The following COL24A1 variants were observed in gnomAD, a reference collection of about 807,000 sequenced individuals.
COL24A1 encodes the protein collagen alpha-1(XXIV) chain.
COL24A1 carries 224 observed loss-of-function variants against 253.9 expected under a neutral mutation model. The ratio of observed to expected loss-of-function variants is 0.88; its 90% confidence interval spans 0.79 to 0.99. The LOEUF is 0.99. COL24A1 is among the 50% of genes least tolerant of loss of function. The pLI, the probability that COL24A1 is intolerant of heterozygous loss-of-function variation, is 0.00. For missense variants in COL24A1, 2,131 were observed against 2,068.5 expected (o/e 1.03, Z -0.59); for synonymous variants, 685 against 673.7 (o/e 1.02, Z -0.26).
At chr1:85,910,862 G>C (rs193022886) in intron 25 of COL24A1, among the ~76,000 whole-genome samples, 4 of 151,918 alleles carry the variant, frequency 2.6e-5, no homozygotes, top group African/African-American at 9.6e-5. Context: ...GAAGAAATTA[G>C]GAAGGATGAG....
At chr1:85,943,037 A>G (rs1291172480) in intron 24 of COL24A1, among the ~76,000 whole-genome samples, 1 of 152,198 alleles carries the variant, frequency 6.6e-6, no homozygotes, top group Non-Finnish European at 1.5e-5. Context: ...TCTGCCCTCA[A>G]TGTTAGCAGG....
intron 24 of COL24A1, among the ~76,000 whole-genome samples, chr1:85,926,933 G>A (rs952211392): frequency 6.6e-6 from 1 of 152,166 alleles, no homozygotes; most frequent in Non-Finnish European, 1.5e-5. Flanking sequence ...ATGTGGGAAG[G>A]TTTAAGAAGG....
chr1:86,028,227 G>C (rs1476389944), intron 14 of COL24A1, among the ~76,000 whole-genome samples: 4 of 152,176 alleles, frequency 2.6e-5, no homozygotes, highest in Admixed American at 1.3e-4. Flanking sequence ...AACTTTGGGG[G>C]ACTGTCGGAA....
rs187981133 is a variant in COL24A1, at chr1:86,110,819, C to G, written c.1599+1748G>C. Among the ~76,000 whole-genome samples, 859 of 152,038 alleles carry G rather than the reference C, an allele frequency of 5.6e-3. 14 individuals carry two copies. The highest frequency in any genetic ancestry group is 0.02 in the African/African-American group (810 of 41,474). ...GACCTGCAGCCCACCATGCCCGACC[C>G]CCGCCCCCCACACCCCATGGGCTGC... On this transcript the variant is annotated intron_variant, in intron 5 of 59. Coordinates refer to ENST00000370571, the MANE Select transcript of COL24A1 (RefSeq NM_152890.7).
At chr1:86,048,340 C>T (rs758038639) in intron 11 of COL24A1, among the ~76,000 whole-genome samples, 15 of 152,032 alleles carry the variant, frequency 9.9e-5, no homozygotes, top group Non-Finnish European at 1.5e-4. Flanking sequence ...CTTTTTTGTA[C>T]TTAAACATTT....
intron 19 of COL24A1, among the ~76,000 whole-genome samples, chr1:85,998,233 C>A (rs1229090561): frequency 2.6e-5 from 4 of 152,174 alleles, no homozygotes; most frequent in African/African-American, 9.7e-5. Flanking sequence ...AATGCCCTTG[C>A]CCTCTGTTTC....
At chr1:85,838,537 A>G in intron 43 of COL24A1, 48 bp downstream of exon 43, 1 of 1,516,110 alleles carries the variant, frequency 6.6e-7, no homozygotes, top group South Asian at 1.1e-5. Context: ...ATAGAAACAC[A>G]GAGAACCCTA....
intron 53 of COL24A1, among the ~76,000 whole-genome samples, chr1:85,766,436 G>A (rs962202287): frequency 6.7e-6 from 1 of 149,760 alleles, no homozygotes; most frequent in Admixed American, 6.6e-5. Flanking sequence ...TGAATCTAGG[G>A]ACTCATTTTA....
At chr1:85,877,749 C>T (rs1681351419) in intron 32 of COL24A1, among the ~76,000 whole-genome samples, 4 of 152,178 alleles carry the variant, frequency 2.6e-5, no homozygotes, top group Admixed American at 2.6e-4. Flanking sequence ...CTTTAATGCA[C>T]TCATTCATTC....
At chr1:85,754,623 C>T (rs187531541) in intron 55 of COL24A1, among the ~76,000 whole-genome samples, 20 of 141,368 alleles carry the variant, frequency 1.4e-4, no homozygotes, top group Non-Finnish European at 2.6e-4. Context: ...AATAAAAGCA[C>T]ATAAATTATA....
chr1:85,861,412 T>C (rs1281583393), intron 37 of COL24A1, among the ~76,000 whole-genome samples: 1 of 152,180 alleles, frequency 6.6e-6, no homozygotes, highest in Admixed American at 6.5e-5. Context: ...GGGTTGATCT[T>C]TTACTTTCTT....
intron 59 of COL24A1, among the ~76,000 whole-genome samples, chr1:85,733,113 T>A (rs1223850042): frequency 6.6e-6 from 1 of 152,162 alleles, no homozygotes; most frequent in East Asian, 1.9e-4. Flanking sequence ...GATAATAAAA[T>A]ATATATACTT....
intron 14 of COL24A1, among the ~76,000 whole-genome samples, chr1:86,031,042 C>A (rs1698526241): frequency 6.6e-6 from 1 of 152,078 alleles, no homozygotes; most frequent in South Asian, 2.1e-4. Context: ...AGCCAAAATA[C>A]AGAATCAACT....
chr1:85,948,356 C>A (rs1363626008), intron 24 of COL24A1, among the ~76,000 whole-genome samples: 3 of 151,090 alleles, frequency 2.0e-5, no homozygotes, highest in African/African-American at 7.3e-5. Flanking sequence ...AACCCCGTCT[C>A]TACTAAAAAT....
At chr1:85,787,066 A>C (rs1042140730) in intron 47 of COL24A1, among the ~76,000 whole-genome samples, 1 of 152,346 alleles carries the variant, frequency 6.6e-6, no homozygotes, top group East Asian at 1.9e-4. Context: ...ACTTAAAGAC[A>C]TGGAAAAATT....
At chr1:86,043,639 T>C (rs1292546500) in intron 12 of COL24A1, among the ~76,000 whole-genome samples, 2 of 152,152 alleles carry the variant, frequency 1.3e-5, no homozygotes, top group East Asian at 1.9e-4. Flanking sequence ...GCGATTCTCC[T>C]GCCTCAGTCT....
chr1:86,010,581 C>T lies in COL24A1; in HGVS notation c.2310+6570G>A, dbSNP rs1049600504. On this transcript the variant is annotated intron_variant, in intron 19 of 59. Coordinates refer to ENST00000370571, the MANE Select transcript of COL24A1 (RefSeq NM_152890.7). ...AATATCTTCTTTCGACATAGCAATC[C>T]AATTCTAGCAATTCACCATGAAGAT... is the stretch of plus-strand genomic sequence containing the variant. Among the ~76,000 whole-genome samples the T allele has an allele frequency of 4.6e-5, 7 of 152,040 alleles. No homozygotes were observed. The East Asian group carries it at 1.4e-3, about 29-fold the overall frequency.
chr1:85,801,069 T>A (rs1156921601), intron 47 of COL24A1, among the ~76,000 whole-genome samples: 1 of 152,220 alleles, frequency 6.6e-6, no homozygotes, highest in Non-Finnish European at 1.5e-5. Context: ...GAGGTTCTCC[T>A]TTTTGAAATA....
chr1:85,885,397 A>ATTTTT (rs1177337391), intron 32 of COL24A1, among the ~76,000 whole-genome samples: 1 of 128,904 alleles, frequency 7.8e-6, no homozygotes, highest in African/African-American at 2.9e-5. Context: ...ATATATATAT[A>ATTTTT]TTTTTTTTTT....
Sources: gnomAD v4.1 joint callset for allele counts (sites outside exome capture counted in the v4.1 genomes callset) on GRCh38, gnomAD v4.1.1 for gene constraint, MANE v1.5 for transcripts, NCBI Gene and HGNC (gene_info 2026-07-23, HGNC 2026-07-21) for gene names.